RTKN2: variants seen among roughly 807,000 people sequenced by gnomAD.
RTKN2 encodes rhotekin 2.
In RTKN2, 69 loss-of-function variants were observed where a neutral mutation model predicts 71.5. The observed-to-expected ratio is 0.96, with a 90% CI of 0.79 to 1.18. The LOEUF (loss-of-function observed/expected upper bound fraction) is 1.18. Among genes scored for constraint, RTKN2 ranks in the 50% most tolerant of loss-of-function variants. The probability of loss-of-function intolerance (pLI) is 0.00; values close to 1 mark genes in which losing one functional copy is unlikely to be tolerated. For synonymous variants in RTKN2, 236 were observed against 236.5 expected (o/e 1.00, Z 0.02); for missense variants, 724 against 719.7 (o/e 1.01, Z -0.07).
Position 62,268,806 on chromosome 10 carries a change from C to T in RTKN2, c.-196G>A, listed in dbSNP as rs945784515. 1 of 568,588 alleles carries T rather than the reference C, an allele frequency of 1.8e-6. No homozygotes were observed. Among genetic ancestry groups the T allele is most frequent in the Non-Finnish European group, 3.0e-6 (1 of 330,830 alleles). 35.2% of individuals were successfully genotyped at this position (568,588 alleles called of 1,614,324 possible). A position where few individuals can be genotyped will look rare whatever the true frequency, so the allele number is the denominator to read the frequency against. ...CCTTGCGCTCTGCAGCTCCCGCCGC[C>T]GGAAGTTGCCGAGACCCCAGGCTCT... On this transcript the variant is annotated 5_prime_UTR_variant, in exon 1 of 12. Coordinates refer to ENST00000373789, the MANE Select transcript of RTKN2 (RefSeq NM_145307.4).
chr10:62,230,759 C>G (rs954969445), intron 6 of RTKN2, among the ~76,000 whole-genome samples: 1 of 152,060 alleles, frequency 6.6e-6, no homozygotes, highest in African/African-American at 2.4e-5. Flanking sequence ...CCCAGTGTAT[C>G]GTATTGGCTT....
chr10:62,192,146 AC>A (rs1452091534), downstream of RTKN2, among the ~76,000 whole-genome samples: 5 of 152,056 alleles, frequency 3.3e-5, no homozygotes, highest in Non-Finnish European at 4.4e-5. Context: ...CTAGAATTTA[AC>A]CCAAGTCTAA....
At chr10:62,217,039 C>T in intron 9 of RTKN2, 79 bp downstream of exon 9, 1 of 1,039,218 alleles carries the variant, frequency 9.6e-7, no homozygotes. Context: ...ATTTATAAGA[C>T]AACAACAATG....
At chr10:62,215,383 A>G (rs1841747710) in intron 9 of RTKN2, among the ~76,000 whole-genome samples, 1 of 152,062 alleles carries the variant, frequency 6.6e-6, no homozygotes, top group African/African-American at 2.4e-5. Context: ...CAGGAGGTGA[A>G]GGGCACAATT....
At chr10:62,239,566 A>G (rs893041213) in intron 5 of RTKN2, 82 bp downstream of exon 5, 4 of 609,254 alleles carry the variant, frequency 6.6e-6, no homozygotes, top group Non-Finnish European at 2.8e-6. Context: ...AAATGAATCC[A>G]AAGAACCAAT....
chr10:62,223,356 T>C (rs1841951265), intron 6 of RTKN2, 24 bp from the exon 7 acceptor site: 1 of 1,364,430 alleles, frequency 7.3e-7, no homozygotes, highest in Non-Finnish European at 1.0e-6. Flanking sequence ...AGAAGACATG[T>C]TTTAAGTATT....
chr10:62,215,044 T>C, intron 9 of RTKN2: 3 of 1,503,448 alleles, frequency 2.0e-6, no homozygotes, highest in African/African-American at 2.8e-5. Context: ...AGGACTGAGA[T>C]ATGGCGAGTT....
At position 62,268,587 on chromosome 10, in the gene RTKN2, AC is replaced by A; in HGVS notation, c.23del (p.Gly8ValfsTer21). 1 of 1,565,180 alleles carries A rather than the reference AC, an allele frequency of 6.4e-7. No homozygotes were observed. The highest frequency in any genetic ancestry group is 8.7e-7 in the Non-Finnish European group (1 of 1,154,832). On this transcript the variant is annotated frameshift_variant, in exon 1 of 12. Transcript: ENST00000373789. LOFTEE classifies it high-confidence loss of function. MEGPSLR[G>X]PALRLAGLPT... is the part of the protein sequence containing the mutation. ...GAAGCCCCGCCAGGCGGAGCGCAGG[AC>A]CCCTCAGGCTCGGCCCCTCCATCTC...
intron 5 of RTKN2, among the ~76,000 whole-genome samples, chr10:62,237,287 AGATT>A (rs1323739258): frequency 6.6e-6 from 1 of 151,976 alleles, no homozygotes; most frequent in Non-Finnish European, 1.5e-5. Context: ...AGCCAAGAGA[AGATT>A]GCAAAATCTC....
At chr10:62,257,373 AAAG>A (rs1158208414) in intron 2 of RTKN2, among the ~76,000 whole-genome samples, 5 of 152,218 alleles carry the variant, frequency 3.3e-5, no homozygotes, top group African/African-American at 7.2e-5. Flanking sequence ...ACTAGAAGTA[AAAG>A]GAGGTAAATA....
chr10:62,244,664 T>C (rs1448244274), intron 3 of RTKN2, among the ~76,000 whole-genome samples: 1 of 152,110 alleles, frequency 6.6e-6, no homozygotes, highest in Non-Finnish European at 1.5e-5. Context: ...TTATTGCACA[T>C]AATGAACAAT....
At chr10:62,215,832 G>T (rs1332953028) in intron 9 of RTKN2, among the ~76,000 whole-genome samples, 1 of 151,772 alleles carries the variant, frequency 6.6e-6, no homozygotes, top group African/African-American at 2.4e-5. Context: ...ATACAACACT[G>T]CATAAACCAA....
chr10:62,240,898 G>A (rs911017231), intron 4 of RTKN2, among the ~76,000 whole-genome samples: 5 of 152,060 alleles, frequency 3.3e-5, no homozygotes, highest in Admixed American at 6.5e-5. Flanking sequence ...CTCTGAACCC[G>A]GTACTTACTG....
chr10:62,192,974 G>A (rs1365131116), downstream of RTKN2, among the ~76,000 whole-genome samples: 1 of 152,016 alleles, frequency 6.6e-6, no homozygotes, highest in Non-Finnish European at 1.5e-5. Flanking sequence ...TATATCTATA[G>A]TATTATATTT....
At chr10:62,264,836 AT>A (rs11357727) in intron 1 of RTKN2, among the ~76,000 whole-genome samples, 104,865 of 146,216 alleles carry the variant, frequency 0.72, 37,523 homozygotes, top group East Asian at 0.88. Context: ...GGGCTTGAGC[AT>A]TTTTTTTTTT....
chr10:62,228,796 AT>A (rs1434653289), intron 6 of RTKN2, among the ~76,000 whole-genome samples: 1 of 152,166 alleles, frequency 6.6e-6, no homozygotes, highest in Non-Finnish European at 1.5e-5. Context: ...ACTGAGGCAG[AT>A]GTGGGTAGGC....
intron 9 of RTKN2, among the ~76,000 whole-genome samples, chr10:62,213,416 C>T (rs1218033647): frequency 1.3e-5 from 2 of 152,104 alleles, no homozygotes; most frequent in Non-Finnish European, 2.9e-5. Flanking sequence ...TACATAAATA[C>T]AATCAAGCCT....
chr10:62,222,679 A>G (rs2132918131), intron 7 of RTKN2, among the ~76,000 whole-genome samples: 1 of 152,318 alleles, frequency 6.6e-6, no homozygotes, highest in South Asian at 2.1e-4. Flanking sequence ...CATCACAAGT[A>G]AAATAACCTG....
intron 6 of RTKN2, among the ~76,000 whole-genome samples, chr10:62,224,747 A>G (rs1841984156): frequency 6.6e-6 from 1 of 152,120 alleles, no homozygotes; most frequent in South Asian, 2.1e-4. Flanking sequence ...TTATCCAGTC[A>G]TAAAAGAATC....
Sources: allele counts gnomAD v4.1 joint callset (sites outside exome capture counted in the v4.1 genomes callset), GRCh38; gene constraint gnomAD v4.1.1; transcripts MANE v1.5; gene names NCBI Gene and HGNC (gene_info 2026-07-23, HGNC 2026-07-21).